Variants in COBLL1 observed in about 807,000 individuals in gnomAD.
The protein encoded by COBLL1 is cordon-bleu protein-like 1.
COBLL1 carries 50 observed loss-of-function variants against 94.8 expected under a neutral mutation model. The observed-to-expected ratio is 0.53, with a 90% CI of 0.42 to 0.67. The LOEUF is 0.67. Ranked by LOEUF, COBLL1 falls within the 30% of genes least tolerant of loss-of-function variation. COBLL1 has a pLI of 0.00. For missense variants in COBLL1, 1,362 were observed against 1,348.7 expected, an observed-to-expected ratio of 1.01 and a Z score of -0.15; for synonymous variants, 448 against 473.8, an observed-to-expected ratio of 0.95 and a Z score of 0.71.
In COBLL1 at chr2:164,695,218, T is replaced by C. The variant is rs142598962; in HGVS notation, c.2174A>G (p.Tyr725Cys). Residue 725 changes from tyrosine to cysteine, a missense_variant, in exon 12 of 14, where the codon TAT (tyrosine) becomes TGT (cysteine). Physicochemically the swap from Tyr to Cys is radical, Grantham distance 194 (BLOSUM62 -2). Coordinates refer to ENST00000652658, the MANE Select transcript of COBLL1 (RefSeq NM_001365672.2). ...PKPSNEITRE[Y>C]IPKIGMTTYK... ...AGTAGTCATGCCAATTTTGGGTATA[T>C]ACTCTCGTGTAATTTCATTTGAAGG... The C allele has an allele frequency of 6.2e-7, 1 of 1,614,002 alleles. No homozygotes were observed. The highest frequency in any genetic ancestry group is 8.5e-7 in the Non-Finnish European group (1 of 1,179,958).
chr2:164,762,747 AGTGCAGTG>A (rs1345514771), intron 2 of COBLL1, among the ~76,000 whole-genome samples: 2 of 138,880 alleles, frequency 1.4e-5, no homozygotes, highest in Non-Finnish European at 3.0e-5. Flanking sequence ...CCCAGGCTGG[AGTGCAGTG>A]GTGCGATCTC....
upstream of COBLL1, chr2:164,841,902 G>A (rs892720885): frequency 2.9e-6 from 4 of 1,375,584 alleles, no homozygotes; most frequent in Middle Eastern, 2.0e-4. This position sits in a 1 kb window ranked among gnomAD's most constrained non-coding sequence, Gnocchi z 5.5. Flanking sequence ...CGCGGGCGGG[G>A]TGCGGGCGCT....
chr2:164,708,000 C>G (rs546468825), intron 7 of COBLL1, among the ~76,000 whole-genome samples: 2 of 152,160 alleles, frequency 1.3e-5, no homozygotes, highest in East Asian at 3.9e-4. Context: ...GTGTTAGGTA[C>G]TAAAGAGGAA....
intron 2 of COBLL1, among the ~76,000 whole-genome samples, chr2:164,790,177 G>T (rs1226697136): frequency 6.6e-6 from 1 of 152,138 alleles, no homozygotes. Context: ...CTCCAGAATG[G>T]CTGGCGCCCT....
chr2:164,718,154 G>C (rs781641421), intron 7 of COBLL1: 6 of 545,840 alleles, frequency 1.1e-5, no homozygotes, highest in Non-Finnish European at 1.4e-5. Flanking sequence ...ACTATACCTG[G>C]CTATGAAAGC....
rs1691297905 is a variant in COBLL1, at chr2:164,674,191, G to A, written n.127-8290C>T. On this transcript the variant is annotated intron_variant and non_coding_transcript_variant, in intron 1 of 2. Coordinates refer to the COBLL1 transcript ENST00000495084. ...TTCTCCTGCTTCAGCCTCCCGAGTA[G>A]CTGGAACTATAGGCACGCACCACCA... Among the ~76,000 whole-genome samples, 4 of 152,184 alleles carry A rather than the reference G, an allele frequency of 2.6e-5. No homozygotes were observed. The South Asian group carries it at 8.3e-4, about 32-fold the overall frequency.
chr2:164,694,315 G>C lies in COBLL1; in HGVS notation c.3077C>G (p.Ser1026Cys), dbSNP rs936989379. The C allele has an allele frequency of 1.9e-6, 3 of 1,613,770 alleles. No individual in the cohort carries two copies. Among genetic ancestry groups the C allele is most frequent in the South Asian group, 1.1e-5 (1 of 91,074 alleles). The change falls in exon 12 of 14, where the codon TCT becomes TGT. Residue 1026 changes from serine (S) to cysteine (C), a missense_variant. Transcript: ENST00000652658. ...PANTEEGKTH[S>C]VNKFVDIPQL... ...TGGGATGTCCACAAATTTATTTACA[G>C]AATGAGTCTTCCCTTCCTCTGTGTT...
Position 164,841,570 on chromosome 2 carries a change from C to T in COBLL1, c.-51+140G>A, listed in dbSNP as rs953377541. The stretch of plus-strand genomic sequence containing the variant: ...GAAAAGGAGGAGGAGCGGGGCCGGG[C>T]GCACGGGCACCGCTGCCACGCCGGC... On this transcript the variant is annotated intron_variant, in intron 1 of 13. Coordinates refer to ENST00000652658, the MANE Select transcript of COBLL1 (RefSeq NM_001365672.2). This position sits in a 1 kb window ranked among gnomAD's most constrained non-coding sequence, Gnocchi z 5.5. 6.9e-5 allele frequency: 40 copies of T among 578,420 alleles called. No individual in the cohort carries two copies. Among genetic ancestry groups the T allele is most frequent in the Non-Finnish European group, 9.1e-5 (39 of 427,164 alleles). The allele number at this position is 578,420 out of a possible 1,614,324, so 35.8% of individuals were successfully genotyped here. A position where few individuals can be genotyped will look rare whatever the true frequency, so the allele number is the denominator to read the frequency against.
At position 164,729,953 on chromosome 2, in the gene COBLL1, T is replaced by C; in HGVS notation, c.393A>G (p.Lys131=). ...LEVEKVILKP[K]MLDKKKPTPI... ...GTGTAGGTTTTTTCTTATCCAACAT[T>C]TTTGGCTTTAAAATTACCTTCTCTA... Residue 131 remains lysine (K), a synonymous_variant, in exon 4 of 14, where the codon AAA becomes AAG. Transcript: ENST00000652658. The C allele has an allele frequency of 6.2e-7, 1 of 1,613,944 alleles. No individual in the cohort carries two copies.
chr2:164,700,727 C>T lies in COBLL1; in HGVS notation c.1255G>A (p.Glu419Lys), dbSNP rs1347681155. The change falls in exon 10 of 14, where the codon GAG becomes AAG. Residue 419 changes from glutamate (E) to lysine (K), a missense_variant. Transcript: ENST00000652658. ...AGISSDYSLE[E>K]IDEKEELSEV... ...CTCAGTTCTTCCTTTTCATCTATCT[C>T]TTCAAGGCTATAATCAGAGCTTATT... The T allele has an allele frequency of 4.3e-6, 7 of 1,610,426 alleles. No individual in the cohort carries two copies. Among genetic ancestry groups the T allele is most frequent in the Admixed American group, 1.7e-5 (1 of 59,994 alleles).
chr2:164,717,985 A>T (rs932241779), intron 7 of COBLL1, among the ~76,000 whole-genome samples: 1 of 152,242 alleles, frequency 6.6e-6, no homozygotes, highest in Admixed American at 6.5e-5. Flanking sequence ...TTTCTATAAA[A>T]GCTTAAGAAA....
chr2:164,730,203 A>G (rs1685924271), intron 3 of COBLL1, 88 bp from the exon 4 acceptor site: 1 of 1,187,844 alleles, frequency 8.4e-7, no homozygotes, highest in Non-Finnish European at 1.2e-6. Context: ...AGTCTACAAG[A>G]TAGTTTTTGG....
At chr2:164,828,313 T>C (rs1372579489) in intron 2 of COBLL1, among the ~76,000 whole-genome samples, 1 of 152,174 alleles carries the variant, frequency 6.6e-6, no homozygotes, top group Admixed American at 6.5e-5. Flanking sequence ...GAATAAAGAA[T>C]ATGGCCTTTT....
intron 3 of COBLL1, among the ~76,000 whole-genome samples, chr2:164,742,976 T>C (rs1019213918): frequency 1.3e-5 from 2 of 152,192 alleles, no homozygotes; most frequent in African/African-American, 2.4e-5. Context: ...CTATAGTTCA[T>C]GTAACTTTCC....
chr2:164,782,199 T>A (rs991073984), intron 2 of COBLL1, among the ~76,000 whole-genome samples: 1 of 152,128 alleles, frequency 6.6e-6, no homozygotes, highest in East Asian at 1.9e-4. Context: ...ATTCTCAGTA[T>A]TATGAAAGTT....
intron 2 of COBLL1, among the ~76,000 whole-genome samples, chr2:164,792,676 G>A (rs565754314): frequency 6.6e-6 from 1 of 152,112 alleles, no homozygotes; most frequent in Non-Finnish European, 1.5e-5. Flanking sequence ...CGCACAGTAA[G>A]CATTAAATGT....
intron 7 of COBLL1, among the ~76,000 whole-genome samples, chr2:164,708,236 C>T (rs554054025): frequency 1.3e-5 from 2 of 152,266 alleles, no homozygotes; most frequent in East Asian, 3.9e-4. Flanking sequence ...CTCCAAAATT[C>T]TTCAGATTTC....
chr2:164,663,195 T>C (rs1032301609), intron 2 of COBLL1, among the ~76,000 whole-genome samples: 1 of 152,214 alleles, frequency 6.6e-6, no homozygotes, highest in African/African-American at 2.4e-5. Flanking sequence ...AATTTCTTTC[T>C]TCAATGCACA....
intron 2 of COBLL1, among the ~76,000 whole-genome samples, chr2:164,749,105 A>G (rs566424003): frequency 6.6e-6 from 1 of 152,272 alleles, no homozygotes; most frequent in Admixed American, 6.5e-5. Context: ...AATAGATAAA[A>G]AGAGGAAATA....
Sources: gnomAD v4.1 joint callset for allele counts (sites outside exome capture counted in the v4.1 genomes callset) on GRCh38, gnomAD v4.1.1 for gene constraint, Gnocchi (gnomAD v3.1) non-coding constraint, MANE v1.5 for transcripts, NCBI Gene and HGNC (gene_info 2026-07-23, HGNC 2026-07-21) for gene names.